The following PIK3IP1 variants were observed in gnomAD, a reference collection of about 807,000 sequenced individuals.
PIK3IP1 encodes phosphoinositide-3-kinase interacting protein 1.
Under a neutral mutation model 30.7 loss-of-function variants are expected in PIK3IP1, and 28 were observed. That is an observed-to-expected ratio of 0.91 (90% CI 0.68 to 1.25). The LOEUF (loss-of-function observed/expected upper bound fraction) is 1.25. Among genes scored for constraint, PIK3IP1 ranks in the 50% most tolerant of loss-of-function variants. The pLI, the probability that PIK3IP1 is intolerant of heterozygous loss-of-function variation, is 0.00. For synonymous variants in PIK3IP1, 159 were observed against 140.8 expected (o/e 1.13, Z -0.91); for missense variants, 333 against 346.2 (o/e 0.96, Z 0.30).
In PIK3IP1 at chr22:31,289,685, C is replaced by G; in HGVS notation, c.322G>C (p.Ala108Pro). 1.9e-6 allele frequency: 3 copies of G among 1,552,468 alleles called. No homozygotes were observed. Among genetic ancestry groups the G allele is most frequent in the Non-Finnish European group, 2.6e-6 (3 of 1,147,248 alleles). The change falls in exon 4 of 6, where the codon GCC (alanine) becomes CCC (proline). Residue 108 changes from alanine to proline, a missense_variant. Physicochemically the swap from Ala to Pro is conservative, Grantham distance 27. This residue lies in a region of PIK3IP1 where 217 missense variants were observed against 227.7 expected (regional missense o/e 0.95). Coordinates refer to ENST00000215912, the MANE Select transcript of PIK3IP1 (RefSeq NM_052880.5). Reference sequence around the variant, plus strand: ...ATTTCTGTCGTGAAGGCTGGCAGGGCCTGGGAGGTGGTCTCTGGAGATGAG... The same window carrying G: ...ATTTCTGTCGTGAAGGCTGGCAGGGGCTGGGAGGTGGTCTCTGGAGATGAG... ...DLRCPETTSQ[A>P]LPAFTTEIQE...
rs1455707018 is a variant in PIK3IP1, at chr22:31,291,170, G to A, written c.187+10C>T. On this transcript the variant is annotated intron_variant, in intron 2 of 5. Coordinates refer to ENST00000215912, the MANE Select transcript of PIK3IP1 (RefSeq NM_052880.5). ...GCCAGCCCCGGGGCCGTCCCCCGGAGGACACTTACCCGACACGGGGGCCGA... is the reference window on the plus strand; with the variant it reads ...GCCAGCCCCGGGGCCGTCCCCCGGAAGACACTTACCCGACACGGGGGCCGA... 3 of 1,543,080 alleles carry A rather than the reference G, an allele frequency of 1.9e-6. No homozygotes were observed. The highest frequency in any genetic ancestry group is 2.0e-5 in the Admixed American group (1 of 49,848).
chr22:31,289,356 AATG>A lies in PIK3IP1; in HGVS notation c.543_545del (p.Ile182del). 9 of 1,613,516 alleles carry A rather than the reference AATG, an allele frequency of 5.6e-6. No homozygotes were observed. The highest frequency in any genetic ancestry group is 7.6e-6 in the Non-Finnish European group (9 of 1,179,752). ...CCAAGATGATGCCAGCTCCGATGGC[AATG>A]ATGATCACCATCATGGTAATGCCCA... On this transcript the variant is annotated inframe_deletion, in exon 5 of 6. Coordinates refer to ENST00000215912, the MANE Select transcript of PIK3IP1 (RefSeq NM_052880.5).
chr22:31,290,635 T>G, intron 3 of PIK3IP1: 1 of 285,326 alleles, frequency 3.5e-6, no homozygotes, highest in Non-Finnish European at 6.5e-6. Context: ...GCAGTGTGGG[T>G]CTAGCACACT....
intron 5 of PIK3IP1, among the ~76,000 whole-genome samples, chr22:31,288,001 T>C (rs1419668561): frequency 3.3e-5 from 5 of 152,094 alleles, no homozygotes; most frequent in African/African-American, 4.8e-5. Context: ...TCATCTGTAA[T>C]GAGGAGGTTG....
Position 31,289,652 on chromosome 22 carries a change from C to T in PIK3IP1, c.355G>A (p.Ala119Thr). Reference sequence around the variant, plus strand: ...TCATCTGCACCTGGCCCTTCAGACGCTTCCTGGATTTCTGTCGTGAAGGCT... The same window carrying T: ...TCATCTGCACCTGGCCCTTCAGACGTTTCCTGGATTTCTGTCGTGAAGGCT... ...LPAFTTEIQEASEGPGADEVQ... is the reference protein window; with the variant it reads ...LPAFTTEIQETSEGPGADEVQ... Residue 119 changes from alanine to threonine, a missense_variant, in exon 4 of 6, where the codon GCG (alanine) becomes ACG (threonine). Physicochemically the swap from Ala to Thr is moderately conservative, Grantham distance 58. Coordinates refer to ENST00000215912, the MANE Select transcript of PIK3IP1 (RefSeq NM_052880.5). 6.4e-7 allele frequency: 1 copy of T among 1,554,388 alleles called. No individual in the cohort carries two copies.
Position 31,281,701 on chromosome 22 carries a change from T to C in PIK3IP1, c.*1383A>G, listed in dbSNP as rs931716601. 6.6e-6 allele frequency: 1 copy of C among 152,596 alleles called. No homozygotes were observed. Among genetic ancestry groups the C allele is most frequent in the Admixed American group, 6.5e-5 (1 of 15,284 alleles). 9.5% of individuals were successfully genotyped at this position (152,596 alleles called of 1,614,324 possible). Reference sequence around the variant, plus strand: ...ACATGTATATAGAGAAATGCCTTTATAGAAAAGTAGAAACCAGTAATATTC... The same window carrying C: ...ACATGTATATAGAGAAATGCCTTTACAGAAAAGTAGAAACCAGTAATATTC... On this transcript the variant is annotated 3_prime_UTR_variant, in exon 6 of 6. Transcript: ENST00000215912.
At chr22:31,288,567 A>G (rs1343110537) in intron 5 of PIK3IP1, among the ~76,000 whole-genome samples, 1 of 152,254 alleles carries the variant, frequency 6.6e-6, no homozygotes, top group Non-Finnish European at 1.5e-5. Flanking sequence ...AGAATGGCAA[A>G]TAATTTTCCA....
intron 5 of PIK3IP1, among the ~76,000 whole-genome samples, chr22:31,284,576 TCAGGCAG>T (rs1383293561): frequency 6.6e-5 from 10 of 152,128 alleles, no homozygotes; most frequent in African/African-American, 2.4e-4. Flanking sequence ...ACACTGACCA[TCAGGCAG>T]CCTAGCCCCT....
chr22:31,292,141 G>C, intron 1 of PIK3IP1, 134 bp downstream of exon 1: 1 of 827,202 alleles, frequency 1.2e-6, no homozygotes, highest in Non-Finnish European at 1.9e-6. Context: ...AGGAGGGGTG[G>C]AAAAGCTTTC....
chr22:31,291,050 G>T lies in PIK3IP1; in HGVS notation c.222C>A (p.Asp74Glu), dbSNP rs1409933610. Residue 74 changes from aspartate to glutamate, a missense_variant, in exon 3 of 6, where the codon GAC (aspartate) becomes GAA (glutamate). By Grantham distance (45) the Asp-to-Glu change is conservative. This residue lies in a region of PIK3IP1 where 111 missense variants were observed against 100.1 expected (regional missense o/e 1.11). Coordinates refer to ENST00000215912, the MANE Select transcript of PIK3IP1 (RefSeq NM_052880.5). ...AGCACCAGGGCCCGCGCGGGTCCTCGTCCGGGTTTCGGCAGTAACTGTGAT... is the reference window on the plus strand; with the variant it reads ...AGCACCAGGGCCCGCGCGGGTCCTCTTCCGGGTTTCGGCAGTAACTGTGAT... ...AGNHSYCRNP[D>E]EDPRGPWCYV... is the part of the protein sequence containing the mutation. 3 of 1,568,120 alleles carry T rather than the reference G, an allele frequency of 1.9e-6. No individual in the cohort carries two copies. Among genetic ancestry groups the T allele is most frequent in the Non-Finnish European group, 2.6e-6 (3 of 1,155,530 alleles).
rs1436656486 is a variant in PIK3IP1 at position 31,281,802 on chromosome 22, C to G, written c.*1282G>C. On this transcript the variant is annotated 3_prime_UTR_variant, in exon 6 of 6. Coordinates refer to ENST00000215912, the MANE Select transcript of PIK3IP1 (RefSeq NM_052880.5). ...AAAGCAGATGGCTCCATAGAAAGCCCCACTAACCCGTCTCCACATTGGGCA... is the reference window on the plus strand; with the variant it reads ...AAAGCAGATGGCTCCATAGAAAGCCGCACTAACCCGTCTCCACATTGGGCA... 3.6e-5 allele frequency: 2 copies of G among 55,318 alleles called. No individual in the cohort carries two copies. The highest frequency in any genetic ancestry group is 6.0e-5 in the Non-Finnish European group (2 of 33,200). The allele number at this position is 55,318 out of a possible 1,614,324, so 3.4% of individuals were successfully genotyped here.
chr22:31,291,115 G>A, intron 2 of PIK3IP1, 31 bp from the exon 3 acceptor site: 1 of 1,540,978 alleles, frequency 6.5e-7, no homozygotes, highest in Non-Finnish European at 8.7e-7. Context: ...ATGTGTGCCG[G>A]GGCTGGCACC....
At chr22:31,286,770 A>G (rs1353306760) in intron 5 of PIK3IP1, among the ~76,000 whole-genome samples, 2 of 152,152 alleles carry the variant, frequency 1.3e-5, no homozygotes, top group African/African-American at 4.8e-5. Context: ...GAAAAAGGAG[A>G]TAGTTCAAGG....
rs778464040 is a variant in PIK3IP1 at position 31,283,323 on chromosome 22, T to C, written c.588-35A>G. On this transcript the variant is annotated intron_variant, in intron 5 of 5. Coordinates refer to ENST00000215912, the MANE Select transcript of PIK3IP1 (RefSeq NM_052880.5). ...AAAAAACAAACAAACATTCAGGCTA[T>C]GCCTCCTGCATAGCTTTGCTCATTA... 52 of 1,609,236 alleles carry C rather than the reference T, an allele frequency of 3.2e-5. 1 individual carries two copies. In the South Asian group the frequency reaches 4.5e-4, roughly 14 times the overall value.
At chr22:31,283,615 G>C (rs1205995679) in intron 5 of PIK3IP1, among the ~76,000 whole-genome samples, 1 of 148,764 alleles carries the variant, frequency 6.7e-6, no homozygotes. Flanking sequence ...TTTTATGGTT[G>C]AGACAGGGTC....
At chr22:31,286,377 C>T (rs995048565) in intron 5 of PIK3IP1, among the ~76,000 whole-genome samples, 2 of 152,178 alleles carry the variant, frequency 1.3e-5, no homozygotes, top group African/African-American at 4.8e-5. Context: ...TGAACCCACA[C>T]TCAACCTACA....
At chr22:31,289,029 G>A (rs888796165) in intron 5 of PIK3IP1, 8 of 529,514 alleles carry the variant, frequency 1.5e-5, no homozygotes, top group Non-Finnish European at 2.7e-5. Flanking sequence ...CTGAATCCAG[G>A]TTCTGCCACT....
intron 5 of PIK3IP1, chr22:31,289,080 T>C: frequency 1.7e-6 from 1 of 591,320 alleles, no homozygotes; most frequent in Non-Finnish European, 3.0e-6. Context: ...GACAGAGGCT[T>C]CTTCATTTGT....
At chr22:31,291,472 C>T (rs1328444493) in intron 1 of PIK3IP1, among the ~76,000 whole-genome samples, 176 bp from the exon 2 acceptor site, 1 of 60,426 alleles carries the variant, frequency 1.7e-5, no homozygotes, top group Non-Finnish European at 2.7e-5. Context: ...CCCACGCACC[C>T]CCCCCCCCCA....
Sources: allele counts gnomAD v4.1 joint callset (sites outside exome capture counted in the v4.1 genomes callset), GRCh38; gene constraint gnomAD v4.1.1; regional missense constraint gnomAD v4.1.1; transcripts MANE v1.5; gene names NCBI Gene and HGNC (gene_info 2026-07-23, HGNC 2026-07-21).